The following PRXL2A variants were observed in gnomAD, a reference collection of about 807,000 sequenced individuals.
PRXL2A encodes the protein peroxiredoxin-like 2A.
In PRXL2A, 26 loss-of-function variants were observed where a neutral mutation model predicts 25.6. The observed-to-expected ratio is 1.02, with a 90% CI of 0.74 to 1.41. PRXL2A has a LOEUF of 1.41. PRXL2A is among the 40% of genes most tolerant of loss of function. The pLI is 0.00. For synonymous variants in PRXL2A, 98 were observed against 102.9 expected (o/e 0.95, Z 0.29); for missense variants, 246 against 273.9 (o/e 0.90, Z 0.72).
At chr10:80,427,552 A>G in intron 5 of PRXL2A, 56 bp downstream of exon 5, 2 of 1,568,580 alleles carry the variant, frequency 1.3e-6, no homozygotes, top group Non-Finnish European at 1.7e-6. Flanking sequence ...TGAGTGTGAG[A>G]CTCCAACCAG....
upstream of PRXL2A, among the ~76,000 whole-genome samples, chr10:80,408,120 G>A (rs890270568): frequency 6.6e-6 from 1 of 151,954 alleles, no homozygotes; most frequent in South Asian, 2.1e-4. Context: ...CAGCTTGAAG[G>A]GGCTCATCGA....
rs35050604 is a variant in PRXL2A, at chr10:80,436,921, A to AG, written c.*4823dup. The AG allele has an allele frequency of 0.36, 54,457 of 152,280 alleles. 11,186 individuals are homozygous for AG. Among genetic ancestry groups the AG allele is most frequent in the East Asian group, 0.82 (4,203 of 5,148 alleles). The allele number at this position is 152,280 out of a possible 1,614,324, so 9.4% of individuals were successfully genotyped here. On this transcript the variant is annotated 3_prime_UTR_variant, in exon 6 of 6. Transcript: ENST00000606162. ...CAGAGAGGCCAAGAAGAATCTAGAC[A>AG]GCCTTGCTGGGTTTCCCCTCTCAGT...
intron 5 of PRXL2A, among the ~76,000 whole-genome samples, chr10:80,430,999 G>A (rs886164750): frequency 6.6e-6 from 1 of 152,078 alleles, no homozygotes; most frequent in African/African-American, 2.4e-5. Context: ...CCAGGTTCAA[G>A]GGATTATCCT....
chr10:80,415,049 G>T (rs1034532343), intron 1 of PRXL2A, among the ~76,000 whole-genome samples: 15 of 152,190 alleles, frequency 9.9e-5, no homozygotes, highest in African/African-American at 2.7e-4. Context: ...GTAGCCCAGG[G>T]GACTTGGATA....
At chr10:80,430,958 C>G (rs981810210) in intron 5 of PRXL2A, among the ~76,000 whole-genome samples, 6 of 152,144 alleles carry the variant, frequency 3.9e-5, no homozygotes, top group African/African-American at 1.4e-4. Context: ...GGCGCGATCT[C>G]GGCTCACTGC....
chr10:80,415,232 G>A (rs571754635), intron 1 of PRXL2A, among the ~76,000 whole-genome samples: 12 of 152,370 alleles, frequency 7.9e-5, no homozygotes, highest in Admixed American at 6.5e-4. Flanking sequence ...AGTGCCTGAG[G>A]ATGGGGTCCA....
intron 1 of PRXL2A, among the ~76,000 whole-genome samples, chr10:80,415,098 G>A (rs1360119878): frequency 6.6e-6 from 1 of 152,202 alleles, no homozygotes; most frequent in East Asian, 1.9e-4. Flanking sequence ...ATTCCTGGAA[G>A]TGAATTTTCT....
chr10:80,426,112 T>A, intron 4 of PRXL2A, 106 bp downstream of exon 4: 2 of 1,421,138 alleles, frequency 1.4e-6, no homozygotes, highest in South Asian at 1.3e-5. Context: ...GAGGCTGGCC[T>A]TCCCTTCAGC....
chr10:80,411,328 A>G (rs1366266705), intron 1 of PRXL2A, among the ~76,000 whole-genome samples: 1 of 152,188 alleles, frequency 6.6e-6, no homozygotes, highest in East Asian at 1.9e-4. Context: ...GAGGCTGATG[A>G]TGTTCTCTCC....
Position 80,420,601 on chromosome 10 carries a change from C to G in PRXL2A, c.134C>G (p.Ala45Gly). 6.2e-7 allele frequency: 1 copy of G among 1,613,746 alleles called. No individual in the cohort carries two copies. The highest frequency in any genetic ancestry group is 8.5e-7 in the Non-Finnish European group (1 of 1,179,846). The change falls in exon 2 of 6, where the codon GCC becomes GGC. Residue 45 changes from alanine (A) to glycine (G), a missense_variant. By Grantham distance (60) the Ala-to-Gly change is moderately conservative. Transcript: ENST00000606162. Reference protein sequence around the residue: ...DVFLSKPQKAALEYLEDIDLK... With the variant: ...DVFLSKPQKAGLEYLEDIDLK... The stretch of plus-strand genomic sequence containing the variant: ...TTTCTGTCCAAGCCCCAGAAAGCGG[C>G]CCTGGAGTACCTGGAGGATATAGAC...
At chr10:80,427,197 G>T in intron 4 of PRXL2A, 135 bp from the exon 5 acceptor site, 2 of 669,854 alleles carry the variant, frequency 3.0e-6, no homozygotes, top group South Asian at 3.8e-5. Flanking sequence ...GTGTGTGTTG[G>T]GTGGGAGAGA....
chr10:80,426,136 C>T, intron 4 of PRXL2A, 130 bp downstream of exon 4: 5 of 1,153,584 alleles, frequency 4.3e-6, no homozygotes, highest in Middle Eastern at 2.9e-4. Flanking sequence ...CCTGAACTTG[C>T]AAGGCCTTTT....
At chr10:80,409,074 G>C in intron 1 of PRXL2A, 1 of 985,348 alleles carries the variant, frequency 1.0e-6, no homozygotes, top group Non-Finnish European at 1.2e-6. Context: ...CCCAGGTGCG[G>C]ACCTGGCAGT....
chr10:80,432,381 C>T lies in PRXL2A; in HGVS notation c.*282C>T. 3.3e-6 allele frequency: 1 copy of T among 299,136 alleles called. No homozygotes were observed. 18.5% of individuals were successfully genotyped at this position (299,136 alleles called of 1,614,324 possible). On this transcript the variant is annotated 3_prime_UTR_variant, in exon 6 of 6. Coordinates refer to ENST00000606162, the MANE Select transcript of PRXL2A (RefSeq NM_032333.5). ...CCAGGCTGGGTGCAGTGGCTCACAC[C>T]TGTAATCCCAGCACTTTGGGAGGCC...
intron 3 of PRXL2A, 40 bp downstream of exon 3, chr10:80,422,548 G>T: frequency 6.7e-7 from 1 of 1,496,142 alleles, no homozygotes; most frequent in South Asian, 1.1e-5. Context: ...AAGGGATCCT[G>T]GCAAGTAGGG....
intron 1 of PRXL2A, among the ~76,000 whole-genome samples, chr10:80,417,108 A>G (rs1270383444): frequency 6.6e-6 from 1 of 152,252 alleles, no homozygotes; most frequent in Non-Finnish European, 1.5e-5. Context: ...CTCAGATGCA[A>G]TAATTCTACA....
intron 1 of PRXL2A, 28 bp from the exon 2 acceptor site, chr10:80,420,438 C>T (rs202077159): frequency 9.3e-5 from 143 of 1,538,020 alleles, no homozygotes; most frequent in Non-Finnish European, 1.1e-4. Context: ...GGAGCAGTAA[C>T]GCCTTCTTCC....
chr10:80,413,471 C>T (rs552790378), intron 1 of PRXL2A, among the ~76,000 whole-genome samples: 2 of 152,132 alleles, frequency 1.3e-5, no homozygotes, highest in Non-Finnish European at 2.9e-5. Flanking sequence ...GCAGGCTGCA[C>T]GAGGAGCCAC....
At chr10:80,408,831 G>A (rs1462785109) in intron 1 of PRXL2A, among the ~76,000 whole-genome samples, 188 bp downstream of exon 1, 2 of 152,184 alleles carry the variant, frequency 1.3e-5, no homozygotes, top group African/African-American at 4.8e-5. Context: ...CTCCGAGGAC[G>A]ACGACCCTTC....
Sources: allele counts gnomAD v4.1 joint callset (sites outside exome capture counted in the v4.1 genomes callset), GRCh38; gene constraint gnomAD v4.1.1; transcripts MANE v1.5; gene names NCBI Gene and HGNC (gene_info 2026-07-23, HGNC 2026-07-21).